The following POLR3B variants were observed in gnomAD, a reference collection of about 807,000 sequenced individuals.
The protein encoded by POLR3B is DNA-directed RNA polymerase III subunit RPC2.
Under a neutral mutation model 147.4 loss-of-function variants are expected in POLR3B, and 96 were observed. That is an observed-to-expected ratio of 0.65 (90% CI 0.55 to 0.77). The LOEUF (loss-of-function observed/expected upper bound fraction) is 0.77, where lower values mean the gene tolerates loss of function less well. Among genes scored for constraint, POLR3B ranks in the 30% least tolerant of loss-of-function variants. POLR3B has a pLI of 0.00. For missense variants in POLR3B, 1,036 were observed against 1,413.5 expected (o/e 0.73, Z 4.28); for synonymous variants, 461 against 485.9 (o/e 0.95, Z 0.67).
chr12:106,391,346 C>T (rs1314967678), intron 9 of POLR3B, among the ~76,000 whole-genome samples: 1 of 152,166 alleles, frequency 6.6e-6, no homozygotes, highest in Non-Finnish European at 1.5e-5. Flanking sequence ...AGTCATCATA[C>T]GTGCCACCTT....
chr12:106,365,177 GACTCT>G (rs2036517340), intron 2 of POLR3B, among the ~76,000 whole-genome samples: 1 of 152,048 alleles, frequency 6.6e-6, no homozygotes, highest in Non-Finnish European at 1.5e-5. Context: ...ACTCATTTTG[GACTCT>G]ACTCTAGAGT....
intron 27 of POLR3B, among the ~76,000 whole-genome samples, chr12:106,505,207 C>A (rs184789566): frequency 6.6e-6 from 1 of 152,252 alleles, no homozygotes; most frequent in East Asian, 1.9e-4. Flanking sequence ...AGAAAAAGCT[C>A]ACTTAGGGTT....
At chr12:106,488,924 C>A (rs1161778994) in intron 23 of POLR3B, among the ~76,000 whole-genome samples, 1 of 152,114 alleles carries the variant, frequency 6.6e-6, no homozygotes, top group Non-Finnish European at 1.5e-5. Flanking sequence ...TTCAGGCAAA[C>A]CAAATTATTA....
intron 12 of POLR3B, among the ~76,000 whole-genome samples, chr12:106,413,580 A>G (rs1054618794): frequency 2.6e-5 from 4 of 152,052 alleles, no homozygotes; most frequent in African/African-American, 9.7e-5. Context: ...CTCTCTAGGT[A>G]CTTTTAAGAT....
chr12:106,503,925 G>A (rs747168404), intron 26 of POLR3B, among the ~76,000 whole-genome samples, 156 bp from the exon 27 acceptor site: 6 of 152,158 alleles, frequency 3.9e-5, no homozygotes, highest in Non-Finnish European at 5.9e-5. Context: ...TTTTACAAAT[G>A]AGGCTAAGCA....
chr12:106,456,297 T>C (rs560038593), intron 20 of POLR3B, among the ~76,000 whole-genome samples: 21 of 152,258 alleles, frequency 1.4e-4, no homozygotes, highest in Non-Finnish European at 2.2e-4. Context: ...CCAAAGGTTT[T>C]TCTTCTGTCC....
intron 23 of POLR3B, among the ~76,000 whole-genome samples, chr12:106,490,751 G>A (rs2137068323): frequency 6.6e-6 from 1 of 152,322 alleles, no homozygotes; most frequent in Non-Finnish European, 1.5e-5. Flanking sequence ...TTTTGATTTA[G>A]AGATTTCATT....
At chr12:106,466,669 T>C (rs553580884) in intron 23 of POLR3B, among the ~76,000 whole-genome samples, 1 of 152,214 alleles carries the variant, frequency 6.6e-6, no homozygotes, top group Non-Finnish European at 1.5e-5. Flanking sequence ...TTTGTGCATA[T>C]GGCTAGCCAG....
chr12:106,419,455 A>C (rs1233754112), intron 12 of POLR3B, among the ~76,000 whole-genome samples: 1 of 152,228 alleles, frequency 6.6e-6, no homozygotes, highest in African/African-American at 2.4e-5. Context: ...TACCTTCTTC[A>C]TTCTGAGTCA....
chr12:106,467,982 G>A (rs1416968231), intron 23 of POLR3B, among the ~76,000 whole-genome samples: 3 of 152,144 alleles, frequency 2.0e-5, no homozygotes, highest in East Asian at 3.8e-4. Context: ...GAGTTAGGGA[G>A]GATTCCCTGT....
In POLR3B at chr12:106,362,649, T is replaced by A. The variant is rs185786764; in HGVS notation, c.73-1221T>A. Among the ~76,000 whole-genome samples the A allele has an allele frequency of 4.6e-5, 7 of 152,296 alleles. No homozygotes were observed. The East Asian group carries it at 1.4e-3, about 29-fold the overall frequency. On this transcript the variant is annotated intron_variant, in intron 1 of 27. Transcript: ENST00000228347. ...TCCTTTTTTATAAGGACACCAGTTG[T>A]ATTGGATTAGGGCTCACCTTAATGA...
rs1203827503 is a variant in POLR3B at position 106,460,197 on chromosome 12, T to C, written c.2570+829T>C. On this transcript the variant is annotated intron_variant, in intron 22 of 27. Transcript: ENST00000228347. ...GCTGAAATAAGCCACAAGCGTTGCC[T>C]GCAATGAGTCATATTTAGTTGGCAA... is the stretch of plus-strand genomic sequence containing the variant. Among the ~76,000 whole-genome samples the C allele has an allele frequency of 3.9e-5, 6 of 152,262 alleles. No homozygotes were observed. The East Asian group carries it at 1.2e-3, about 29-fold the overall frequency.
At chr12:106,493,409 A>C (rs1230996077) in intron 23 of POLR3B, among the ~76,000 whole-genome samples, 1 of 152,252 alleles carries the variant, frequency 6.6e-6, no homozygotes, top group Non-Finnish European at 1.5e-5. Flanking sequence ...TGTTAGAAAA[A>C]GATAAGTCTG....
intron 16 of POLR3B, among the ~76,000 whole-genome samples, 165 bp from the exon 17 acceptor site, chr12:106,436,892 C>T (rs1309699679): frequency 1.3e-5 from 2 of 152,098 alleles, no homozygotes; most frequent in Non-Finnish European, 2.9e-5. Context: ...GAGCATAGTC[C>T]CCTACACCAT....
chr12:106,479,296 A>G (rs2038228048), intron 23 of POLR3B, among the ~76,000 whole-genome samples: 2 of 151,050 alleles, frequency 1.3e-5, no homozygotes, highest in Non-Finnish European at 2.9e-5. Flanking sequence ...AGGAGATTTG[A>G]TCAACGTTAT....
intron 10 of POLR3B, among the ~76,000 whole-genome samples, chr12:106,399,934 C>T (rs1202547303): frequency 6.6e-6 from 1 of 152,182 alleles, no homozygotes; most frequent in South Asian, 2.1e-4. Flanking sequence ...AACTAACAAG[C>T]AAAATAGCCA....
At chr12:106,383,125 C>T (rs2036787366) in intron 9 of POLR3B, among the ~76,000 whole-genome samples, 1 of 152,196 alleles carries the variant, frequency 6.6e-6, no homozygotes, top group Non-Finnish European at 1.5e-5. Flanking sequence ...AACTTTTCTT[C>T]TGCCTCTTCC....
At position 106,405,939 on chromosome 12, in the gene POLR3B, G is replaced by C; in HGVS notation, c.929G>C (p.Arg310Thr). 2 of 1,613,924 alleles carry C rather than the reference G, an allele frequency of 1.2e-6. No homozygotes were observed. Reference protein sequence around the residue: ...GPKKTKIEEARELLASTILTH... With the variant: ...GPKKTKIEEATELLASTILTH... ...AAGAAAACCAAAATAGAAGAAGCAA[G>C]AGAGCTCCTGGCTTCCACCATTCTG... Residue 310 changes from arginine to threonine, a missense_variant, in exon 11 of 28, where the codon AGA (arginine) becomes ACA (threonine). This residue lies in a region of POLR3B where 217 missense variants were observed against 288.7 expected (regional missense o/e 0.75). Coordinates refer to ENST00000228347, the MANE Select transcript of POLR3B (RefSeq NM_018082.6).
In POLR3B at chr12:106,457,214, G is replaced by C; in HGVS notation, c.2370G>C (p.Val790=). Residue 790 remains valine, a synonymous_variant, in exon 21 of 28, where the codon GTG becomes GTC. Transcript: ENST00000228347. ...ACACCAATCAGACTTTTGATAAAGT[G>C]ATGGGGCCCATGTTGGATGCTGCTA... ...KRYTNQTFDK[V]MGPMLDAATR... The C allele has an allele frequency of 6.2e-7, 1 of 1,613,152 alleles. No individual in the cohort carries two copies. Among genetic ancestry groups the C allele is most frequent in the Non-Finnish European group, 8.5e-7 (1 of 1,179,138 alleles).
Sources: allele counts gnomAD v4.1 joint callset (sites outside exome capture counted in the v4.1 genomes callset), GRCh38; gene constraint gnomAD v4.1.1; regional missense constraint gnomAD v4.1.1; transcripts MANE v1.5; gene names NCBI Gene and HGNC (gene_info 2026-07-23, HGNC 2026-07-21).